OCA2: variants seen among roughly 807,000 people sequenced by gnomAD.
OCA2 encodes P protein.
OCA2 carries 77 observed loss-of-function variants against 100.2 expected under a neutral mutation model. That is an observed-to-expected ratio of 0.77 (90% CI 0.64 to 0.93). The LOEUF is 0.93. Among genes scored for constraint, OCA2 ranks in the 40% least tolerant of loss-of-function variants. The pLI is 0.00. For missense variants in OCA2, 1,062 were observed against 1,089.1 expected, an observed-to-expected ratio of 0.98 and a Z score of 0.35; for synonymous variants, 432 against 439.2, an observed-to-expected ratio of 0.98 and a Z score of 0.21.
intron 8 of OCA2, 100 bp downstream of exon 8, chr15:28,016,004 G>T: frequency 1.1e-6 from 1 of 877,270 alleles, no homozygotes; most frequent in Non-Finnish European, 1.9e-6. Flanking sequence ...ATGCTGACCT[G>T]GTGCTGTGTG....
intron 17 of OCA2, among the ~76,000 whole-genome samples, chr15:27,954,632 G>A (rs1369245530): frequency 6.6e-6 from 1 of 151,908 alleles, no homozygotes; most frequent in Non-Finnish European, 1.5e-5. Flanking sequence ...GAGCTCTCTC[G>A]ACTGGGAAGG....
chr15:28,038,733 TG>T (rs1176557486), intron 2 of OCA2, among the ~76,000 whole-genome samples: 1 of 152,230 alleles, frequency 6.6e-6, no homozygotes, highest in Non-Finnish European at 1.5e-5. Context: ...CACCTCATGC[TG>T]GTCTCTAGGT....
chr15:27,781,911 T>G (rs1480343036), intron 23 of OCA2, among the ~76,000 whole-genome samples: 3 of 152,264 alleles, frequency 2.0e-5, no homozygotes, highest in Non-Finnish European at 2.9e-5. Context: ...TCAAGCGATC[T>G]GCTGGAGTTA....
intron 18 of OCA2, among the ~76,000 whole-genome samples, chr15:27,934,453 G>A (rs372479783): frequency 1.1e-4 from 17 of 152,132 alleles, no homozygotes; most frequent in African/African-American, 1.9e-4. Flanking sequence ...TTCCTTCACC[G>A]CTCCTCTAAC....
chr15:28,074,956 G>A (rs2044385882), intron 2 of OCA2, among the ~76,000 whole-genome samples: 1 of 152,198 alleles, frequency 6.6e-6, no homozygotes. Flanking sequence ...AAACGGTCCT[G>A]GAACAATTGG....
chr15:27,879,242 A>T (rs2036913976), intron 19 of OCA2, among the ~76,000 whole-genome samples: 1 of 152,028 alleles, frequency 6.6e-6, no homozygotes. Flanking sequence ...CATTTTCTTT[A>T]TCCAGGCTAT....
At chr15:28,084,375 T>A (rs2044737576) in intron 1 of OCA2, among the ~76,000 whole-genome samples, 2 of 152,320 alleles carry the variant, frequency 1.3e-5, no homozygotes, top group South Asian at 4.1e-4. Context: ...TCAGGCCATG[T>A]CCCTTCTCCA....
At chr15:27,722,633 CTTTCCTTCCTTCCTTCT>C in the OCA2 span, among the ~76,000 whole-genome samples, 1 of 94,220 alleles carries the variant, frequency 1.1e-5, no homozygotes, top group Non-Finnish European at 2.5e-5. Context: ...CCCTTCCTTC[CTTTCCTTCCTTCCTTCT>C]TTTCTCTCTT....
intron 14 of OCA2, among the ~76,000 whole-genome samples, chr15:27,971,297 T>C (rs151131683): frequency 4.4e-4 from 67 of 152,300 alleles, no homozygotes; most frequent in African/African-American, 1.6e-3. Context: ...CTTACAAAGA[T>C]GCTATTCAGA....
rs550856902 is a variant in OCA2, at chr15:27,763,552, A to G, written c.2433-8080T>C. 2.6e-5 allele frequency among the ~76,000 whole-genome samples: 4 copies of G among 152,286 alleles called. No individual in the cohort carries two copies. In the East Asian group the frequency reaches 7.7e-4, roughly 29 times the overall value. Reference sequence around the variant, plus strand: ...AGCACACAAAAAGATGCCTCACATCACTAGCCATTAGGGAAGTGGGCAATG... The same window carrying G: ...AGCACACAAAAAGATGCCTCACATCGCTAGCCATTAGGGAAGTGGGCAATG... On this transcript the variant is annotated intron_variant, in intron 23 of 23. Transcript: ENST00000354638.
At chr15:27,904,027 C>T (rs2038070437) in intron 19 of OCA2, among the ~76,000 whole-genome samples, 1 of 152,200 alleles carries the variant, frequency 6.6e-6, no homozygotes, top group South Asian at 2.1e-4. Context: ...GAAAACATTA[C>T]ATTTAACATG....
chr15:27,850,527 T>C (rs2035709008), intron 22 of OCA2, among the ~76,000 whole-genome samples: 1 of 151,992 alleles, frequency 6.6e-6, no homozygotes, highest in Non-Finnish European at 1.5e-5. Flanking sequence ...TTTCAACAAG[T>C]TCTACACTCT....
At position 28,069,411 on chromosome 15, in the gene OCA2, C is replaced by T. The variant is rs1392388614; in HGVS notation, c.227+12237G>A. Among the ~76,000 whole-genome samples the T allele has an allele frequency of 1.8e-3, 66 of 35,892 alleles. 10 individuals are homozygous for T. In the African/African-American group the frequency reaches 0.023, roughly 13 times the overall value. 23.5% of individuals were successfully genotyped at this position (35,892 alleles called of 152,430 possible). ...CCCTCCCCCTCCCCCTCCCCTTCCCCCTCCCCCTCCCCCTCCCCCTCCCCC... is the reference window on the plus strand; with the variant it reads ...CCCTCCCCCTCCCCCTCCCCTTCCCTCTCCCCCTCCCCCTCCCCCTCCCCC... On this transcript the variant is annotated intron_variant, in intron 2 of 23. Transcript: ENST00000354638.
At chr15:27,801,342 A>G (rs1005040798) in intron 23 of OCA2, among the ~76,000 whole-genome samples, 10 of 152,204 alleles carry the variant, frequency 6.6e-5, no homozygotes, top group Admixed American at 1.3e-4. Flanking sequence ...TCACGAGGTC[A>G]AGAGATCAAG....
intron 2 of OCA2, among the ~76,000 whole-genome samples, chr15:28,047,414 C>T (rs2043378992): frequency 6.6e-6 from 1 of 152,172 alleles, no homozygotes. Flanking sequence ...TGGCACCATC[C>T]TTTGAACATT....
chr15:27,913,855 G>A (rs978307485), intron 19 of OCA2, among the ~76,000 whole-genome samples: 2 of 36,248 alleles, frequency 5.5e-5, no homozygotes, highest in East Asian at 0.04. Flanking sequence ...AAGAAAGAAA[G>A]AAAGAAAGAA....
intron 22 of OCA2, among the ~76,000 whole-genome samples, chr15:27,851,174 C>T (rs541278713): frequency 4.6e-5 from 7 of 152,304 alleles, no homozygotes; most frequent in South Asian, 2.1e-4. Context: ...GCAATGGGCC[C>T]GGGAAGTCGG....
chr15:27,884,728 A>G (rs1567060260), intron 19 of OCA2, among the ~76,000 whole-genome samples: 1 of 152,242 alleles, frequency 6.6e-6, no homozygotes, highest in Non-Finnish European at 1.5e-5. Flanking sequence ...AAAAGCACTA[A>G]ATAAAGGGAA....
chr15:27,917,131 G>A (rs1036825218), intron 19 of OCA2, among the ~76,000 whole-genome samples: 4 of 152,066 alleles, frequency 2.6e-5, no homozygotes, highest in Admixed American at 6.6e-5. Context: ...TCTCTTCTGG[G>A]CTAACAGTGA....
Sources: gnomAD v4.1 joint callset for allele counts (sites outside exome capture counted in the v4.1 genomes callset) on GRCh38, gnomAD v4.1.1 for gene constraint, MANE v1.5 for transcripts, NCBI Gene and HGNC (gene_info 2026-07-23, HGNC 2026-07-21) for gene names.